Variants in SEPTIN9 observed in about 807,000 individuals in gnomAD.
SEPTIN9 encodes the protein septin 9, also known as septin-9.
SEPTIN9 carries 13 observed loss-of-function variants against 56.6 expected under a neutral mutation model. The ratio of observed to expected loss-of-function variants is 0.23; its 90% CI spans 0.15 to 0.37. The LOEUF (loss-of-function observed/expected upper bound fraction) is 0.37, where lower values mean the gene tolerates loss of function less well. SEPTIN9 is among the 10% of genes least tolerant of loss of function. SEPTIN9 has a pLI of 1.00. For synonymous variants in SEPTIN9, 332 were observed against 334.1 expected, an observed-to-expected ratio of 0.99 and a Z score of 0.07; for missense variants, 650 against 823.1, an observed-to-expected ratio of 0.79 and a Z score of 2.57.
intron 2 of SEPTIN9, among the ~76,000 whole-genome samples, chr17:77,392,641 G>T (rs564496524): frequency 6.6e-6 from 1 of 152,146 alleles, no homozygotes; most frequent in Admixed American, 6.5e-5. Context: ...GAAGGCAGAG[G>T]GGGAGGGGAC....
At chr17:77,373,603 G>A in intron 2 of SEPTIN9, 1 of 1,531,700 alleles carries the variant, frequency 6.5e-7, no homozygotes, top group Non-Finnish European at 8.8e-7. Context: ...AGAGGACCCT[G>A]CGGGTGGGCC....
intron 11 of SEPTIN9, 143 bp from the exon 12 acceptor site, chr17:77,498,380 A>T: frequency 3.1e-6 from 2 of 637,628 alleles, no homozygotes; most frequent in Non-Finnish European, 5.6e-6. Flanking sequence ...GGGGGACCCC[A>T]TGGGGAGCCA....
chr17:77,489,082 A>C (rs1343525373), intron 7 of SEPTIN9, among the ~76,000 whole-genome samples: 1 of 152,132 alleles, frequency 6.6e-6, no homozygotes, highest in Admixed American at 6.5e-5. Flanking sequence ...CCCATCCTTC[A>C]GCTGCGTCTT....
intron 1 of SEPTIN9, among the ~76,000 whole-genome samples, chr17:77,287,350 G>A (rs1362861702): frequency 1.3e-5 from 2 of 152,230 alleles, no homozygotes; most frequent in African/African-American, 2.4e-5. Context: ...CCTGGGCCCC[G>A]GGAAATTTGC....
chr17:77,378,313 C>T (rs2035006577), intron 2 of SEPTIN9, among the ~76,000 whole-genome samples: 3 of 152,094 alleles, frequency 2.0e-5, no homozygotes, highest in Admixed American at 2.0e-4. Context: ...GCCCAGGCCG[C>T]CCTCACTCTG....
Position 77,445,476 on chromosome 17 carries a change from A to G in SEPTIN9, c.722-36668A>G, listed in dbSNP as rs1598386465. 2.2e-6 allele frequency: 1 copy of G among 465,052 alleles called. No individual in the cohort carries two copies. The highest frequency in any genetic ancestry group is 4.5e-6 in the Non-Finnish European group (1 of 223,856). 28.8% of individuals were successfully genotyped at this position (465,052 alleles called of 1,614,324 possible). On this transcript the variant is annotated intron_variant, in intron 3 of 11. Coordinates refer to ENST00000427177, the MANE Select transcript of SEPTIN9 (RefSeq NM_001113491.2). The surrounding 1 kb of genome is among the most constrained non-coding windows in gnomAD (Gnocchi z 4.7). ...GGTGGTGGCCGAGGAGCTTGGCAGG[A>G]GCAGAGTGCAGGACCTGGGAACTGG...
rs917037407 is a variant in SEPTIN9, at chr17:77,371,173, T to C, written c.77-30886T>C. ...ACCTGGAGGTTTCTAGGCCTGGTCA[T>C]GTGGCTCTGAGTGATTACATTGAAG... On this transcript the variant is annotated intron_variant, in intron 2 of 11. Transcript: ENST00000427177. This position sits in a 1 kb window ranked among gnomAD's most constrained non-coding sequence, Gnocchi z 4.1. Among the ~76,000 whole-genome samples the C allele has an allele frequency of 3.9e-5, 6 of 152,174 alleles. No homozygotes were observed. Among genetic ancestry groups the C allele is most frequent in the African/African-American group, 1.4e-4 (6 of 41,430 alleles).
intron 3 of SEPTIN9, among the ~76,000 whole-genome samples, chr17:77,406,959 C>G (rs1317209895): frequency 6.6e-6 from 1 of 152,048 alleles, no homozygotes; most frequent in African/African-American, 2.4e-5. Context: ...ATCATGCCAC[C>G]GTGCCCAGCC....
intron 3 of SEPTIN9, chr17:77,466,507 G>A (rs546350404): frequency 2.0e-6 from 2 of 985,554 alleles, no homozygotes; most frequent in Admixed American, 6.1e-5. Flanking sequence ...GTCACTACTG[G>A]GTGGAAGGAA....
intron 2 of SEPTIN9, among the ~76,000 whole-genome samples, chr17:77,358,007 T>C (rs1393993269): frequency 1.3e-5 from 2 of 152,358 alleles, no homozygotes; most frequent in African/African-American, 4.8e-5. Context: ...GGCTACCAGT[T>C]ACCAAGCTCC....
intron 2 of SEPTIN9, among the ~76,000 whole-genome samples, chr17:77,363,644 T>C (rs2034487864): frequency 6.6e-6 from 1 of 152,122 alleles, no homozygotes; most frequent in Non-Finnish European, 1.5e-5. Flanking sequence ...CACCTTGGCC[T>C]CCCAAAGTGC....
chr17:77,352,493 G>T (rs983249489), intron 2 of SEPTIN9, among the ~76,000 whole-genome samples: 4 of 152,320 alleles, frequency 2.6e-5, no homozygotes, highest in African/African-American at 9.6e-5. Context: ...CGAGGTGTCT[G>T]AAGGTTCATT....
chr17:77,436,127 C>T lies in SEPTIN9; in HGVS notation c.721+33424C>T, dbSNP rs2037327927. Among the ~76,000 whole-genome samples, 1 of 152,134 alleles carries T rather than the reference C, an allele frequency of 6.6e-6. No individual in the cohort carries two copies. The highest frequency in any genetic ancestry group is 1.5e-5 in the Non-Finnish European group (1 of 68,024). On this transcript the variant is annotated intron_variant, in intron 3 of 11. Coordinates refer to ENST00000427177, the MANE Select transcript of SEPTIN9 (RefSeq NM_001113491.2). This position sits in a 1 kb window ranked among gnomAD's most constrained non-coding sequence, Gnocchi z 4.4. Reference sequence around the variant, plus strand: ...GCGGCTGCCTTTCCACCCTGCGGGCCTGGTTGGGGAGTGTGAGGATGCCTG... The same window carrying T: ...GCGGCTGCCTTTCCACCCTGCGGGCTTGGTTGGGGAGTGTGAGGATGCCTG...
chr17:77,428,474 TA>T (rs747598283), intron 3 of SEPTIN9, among the ~76,000 whole-genome samples: 32 of 152,274 alleles, frequency 2.1e-4, no homozygotes, highest in Non-Finnish European at 4.0e-4. Flanking sequence ...AAAGAGGAAC[TA>T]ACAGTTCCAC....
chr17:77,408,943 C>T (rs1362677921), intron 3 of SEPTIN9, among the ~76,000 whole-genome samples: 2 of 152,018 alleles, frequency 1.3e-5, no homozygotes, highest in African/African-American at 2.4e-5. Context: ...TGGTAAGCGT[C>T]GAGGGACTCA....
At chr17:77,415,585 G>A (rs183560636) in intron 3 of SEPTIN9, among the ~76,000 whole-genome samples, 359 of 146,762 alleles carry the variant, frequency 2.4e-3, no homozygotes, top group Non-Finnish European at 4.0e-3. Context: ...CCAAAATTGC[G>A]CCACTGCACT....
chr17:77,430,713 G>A (rs560573482), intron 3 of SEPTIN9, among the ~76,000 whole-genome samples: 81 of 152,312 alleles, frequency 5.3e-4, no homozygotes, highest in African/African-American at 1.7e-3. Flanking sequence ...GAAGCAGGCC[G>A]AGGGTGGTGG....
chr17:77,316,348 T>C (rs2032706026), intron 2 of SEPTIN9, among the ~76,000 whole-genome samples: 1 of 152,140 alleles, frequency 6.6e-6, no homozygotes, highest in Non-Finnish European at 1.5e-5. Flanking sequence ...AGCCAATCGG[T>C]GCTGCCAGGT....
chr17:77,484,553 A>ATTG, intron 4 of SEPTIN9, among the ~76,000 whole-genome samples: 1 of 112,346 alleles, frequency 8.9e-6, no homozygotes. Flanking sequence ...GATGGTGGTG[A>ATTG]TGATGGTGAT....
Sources: allele counts gnomAD v4.1 joint callset (sites outside exome capture counted in the v4.1 genomes callset), GRCh38; gene constraint gnomAD v4.1.1; non-coding constraint Gnocchi (gnomAD v3.1); transcripts MANE v1.5; gene names NCBI Gene and HGNC (gene_info 2026-07-23, HGNC 2026-07-21).